Variants in TENM4 observed in about 807,000 individuals in gnomAD.
The protein encoded by TENM4 is teneurin-4.
In TENM4, 82 loss-of-function variants were observed where a neutral mutation model predicts 243.3. That is an observed-to-expected ratio of 0.34 (90% CI 0.28 to 0.40). TENM4 has a LOEUF of 0.40. Ranked by LOEUF, TENM4 falls within the 10% of genes least tolerant of loss-of-function variation. The probability of loss-of-function intolerance (pLI) is 1.00; values close to 1 mark genes in which losing one functional copy is unlikely to be tolerated. For synonymous variants in TENM4, 1,412 were observed against 1,456.3 expected, an observed-to-expected ratio of 0.97 and a Z score of 0.69; for missense variants, 3,138 against 3,673.3, an observed-to-expected ratio of 0.85 and a Z score of 3.77.
intron 26 of TENM4, among the ~76,000 whole-genome samples, chr11:78,711,481 G>T (rs1859395644): frequency 6.6e-6 from 1 of 152,180 alleles, no homozygotes; most frequent in Admixed American, 6.5e-5. Flanking sequence ...GATTTCACTA[G>T]AATCTCCTGC....
At chr11:78,811,569 AAC>A (rs749041202) in intron 14 of TENM4, among the ~76,000 whole-genome samples, 1,612 of 64,918 alleles carry the variant, frequency 0.025, 35 homozygotes, top group Admixed American at 0.09. Context: ...CATACACATG[AAC>A]ACACACACAC....
chr11:78,750,165 T>G (rs117728307), intron 19 of TENM4, among the ~76,000 whole-genome samples: 1,856 of 152,352 alleles, frequency 0.012, 21 homozygotes, highest in Non-Finnish European at 0.017. Flanking sequence ...AAACCCACAG[T>G]AAGCAATACA....
chr11:78,960,160 G>A (rs1400675309), intron 6 of TENM4, among the ~76,000 whole-genome samples: 1 of 151,990 alleles, frequency 6.6e-6, no homozygotes, highest in African/African-American at 2.4e-5. Context: ...CCCAGCCCAG[G>A]GTTCCTGTGT....
chr11:79,203,647 G>A (rs1863791146), intron 3 of TENM4, among the ~76,000 whole-genome samples: 1 of 152,172 alleles, frequency 6.6e-6, no homozygotes. Context: ...TTGATTCCAG[G>A]ACCCCCTGCA....
chr11:79,421,080 C>T (rs898846006), intron 1 of TENM4, among the ~76,000 whole-genome samples: 4 of 152,192 alleles, frequency 2.6e-5, no homozygotes, highest in Non-Finnish European at 4.4e-5. Flanking sequence ...AAACGTGACT[C>T]TCCCTACTCT....
rs141918813 is a variant in TENM4, at chr11:78,702,781, A to T, written c.4210-378T>A. Among the ~76,000 whole-genome samples the T allele has an allele frequency of 2.0e-4, 31 of 152,336 alleles. No homozygotes were observed. In the East Asian group the frequency reaches 5.4e-3, roughly 27 times the overall value. On this transcript the variant is annotated intron_variant, in intron 27 of 33. Coordinates refer to ENST00000278550, the MANE Select transcript of TENM4 (RefSeq NM_001098816.3). The stretch of plus-strand genomic sequence containing the variant: ...CAATAGTCACATATGGGAAATGGGA[A>T]TGACAAGAGCACAGAGTCCCTGACC...
chr11:79,320,906 C>G (rs1040358064), intron 1 of TENM4, among the ~76,000 whole-genome samples: 1 of 152,202 alleles, frequency 6.6e-6, no homozygotes, highest in African/African-American at 2.4e-5. Flanking sequence ...GGGCTAAAAA[C>G]TGAGCTAGGT....
At chr11:78,876,133 G>T (rs1859264877) in intron 9 of TENM4, among the ~76,000 whole-genome samples, 1 of 152,236 alleles carries the variant, frequency 6.6e-6, no homozygotes, top group South Asian at 2.1e-4. Context: ...GCAGGCCTCA[G>T]TTTCCACATC....
intron 3 of TENM4, among the ~76,000 whole-genome samples, chr11:79,207,134 G>C (rs1158353517): frequency 1.3e-5 from 2 of 152,102 alleles, no homozygotes; most frequent in Non-Finnish European, 2.9e-5. Context: ...GTGGGGTCGG[G>C]GCAGGCTGCC....
intron 6 of TENM4, among the ~76,000 whole-genome samples, chr11:78,954,343 C>A (rs1857166071): frequency 6.6e-6 from 1 of 152,210 alleles, no homozygotes; most frequent in Non-Finnish European, 1.5e-5. Context: ...GCATTAAAAT[C>A]CTACAGAGTA....
Position 78,657,923 on chromosome 11 carries a change from C to T in TENM4, c.*135G>A. ...TTCTTTTCTAAAAAAAAGGATGTTG[C>T]ATGAGTTACAATGCAACCAGTATCT... On this transcript the variant is annotated 3_prime_UTR_variant, in exon 34 of 34. Transcript: ENST00000278550. The T allele has an allele frequency of 1.5e-6, 2 of 1,360,464 alleles. No individual in the cohort carries two copies. The highest frequency in any genetic ancestry group is 4.6e-5 in the East Asian group (2 of 43,640). 84.3% of individuals were successfully genotyped at this position (1,360,464 alleles called of 1,614,324 possible).
At chr11:79,293,303 G>T (rs772403289) in intron 2 of TENM4, among the ~76,000 whole-genome samples, 2 of 151,808 alleles carry the variant, frequency 1.3e-5, no homozygotes, top group African/African-American at 2.4e-5. Context: ...GGATGGGCAC[G>T]GTGGGTCACA....
chr11:79,219,966 C>T (rs991912199), intron 2 of TENM4, among the ~76,000 whole-genome samples: 10 of 152,258 alleles, frequency 6.6e-5, no homozygotes, highest in African/African-American at 2.2e-4. Context: ...AACCACCCTC[C>T]TCTCTGGCAA....
In TENM4 at chr11:79,347,682, A is replaced by G. The variant is rs17138164; in HGVS notation, c.-320-50139T>C. Among the ~76,000 whole-genome samples, 614 of 147,866 alleles carry G rather than the reference A, an allele frequency of 4.2e-3. 7 individuals carry two copies. The highest frequency in any genetic ancestry group is 8.0e-3 in the Admixed American group (118 of 14,726). On this transcript the variant is annotated intron_variant, in intron 1 of 33. Transcript: ENST00000278550. The stretch of plus-strand genomic sequence containing the variant: ...GGGACCTATGCTTCCTTCAGCCTCC[A>G]TTTCCCTGTCTATAAAAACAGGAAC...
chr11:79,429,050 G>A (rs750145462), intron 1 of TENM4, among the ~76,000 whole-genome samples: 1 of 152,152 alleles, frequency 6.6e-6, no homozygotes, highest in Non-Finnish European at 1.5e-5. Context: ...CACCGCCAGG[G>A]TCAAGTAACT....
intron 1 of TENM4, among the ~76,000 whole-genome samples, chr11:79,373,173 G>A (rs539712479): frequency 2.0e-5 from 3 of 152,224 alleles, no homozygotes; most frequent in South Asian, 2.1e-4. Context: ...GATACTCAAC[G>A]CCTGTTAGAT....
intron 2 of TENM4, among the ~76,000 whole-genome samples, chr11:79,278,466 G>A (rs1412826514): frequency 1.3e-5 from 2 of 152,182 alleles, no homozygotes; most frequent in East Asian, 3.8e-4. Flanking sequence ...AAAGGCTCAG[G>A]AGGAAAGACC....
intron 24 of TENM4, among the ~76,000 whole-genome samples, chr11:78,720,889 C>A (rs1044275818): frequency 6.6e-6 from 1 of 151,734 alleles, no homozygotes; most frequent in African/African-American, 2.4e-5. Flanking sequence ...CAGAAACAGG[C>A]CTAGGAAAAA....
At chr11:79,125,661 T>C (rs541494201) in intron 4 of TENM4, among the ~76,000 whole-genome samples, 1 of 152,280 alleles carries the variant, frequency 6.6e-6, no homozygotes, top group Admixed American at 6.5e-5. Flanking sequence ...TCCCCAGTAG[T>C]GGCAACATTC....
Sources: gnomAD v4.1 joint callset for allele counts (sites outside exome capture counted in the v4.1 genomes callset) on GRCh38, gnomAD v4.1.1 for gene constraint, MANE v1.5 for transcripts, NCBI Gene and HGNC (gene_info 2026-07-23, HGNC 2026-07-21) for gene names.